The following ME3 variants were observed in gnomAD, a reference collection of about 807,000 sequenced individuals.
ME3 encodes NADP-dependent malic enzyme, mitochondrial.
Under a neutral mutation model 68.9 loss-of-function variants are expected in ME3, and 48 were observed. The ratio of observed to expected loss-of-function variants is 0.70; its 90% CI spans 0.55 to 0.89. The LOEUF (loss-of-function observed/expected upper bound fraction) is 0.89, where lower values mean the gene tolerates loss of function less well. Among genes scored for constraint, ME3 ranks in the 40% least tolerant of loss-of-function variants. The probability of loss-of-function intolerance (pLI) is 0.00; values close to 1 mark genes in which losing one functional copy is unlikely to be tolerated. For synonymous variants in ME3, 320 were observed against 318.8 expected (o/e 1.00, Z -0.04); for missense variants, 675 against 797.4 (o/e 0.85, Z 1.85).
intron 8 of ME3, among the ~76,000 whole-genome samples, chr11:86,462,053 T>C (rs1950248604): frequency 6.6e-6 from 1 of 152,190 alleles, no homozygotes; most frequent in African/African-American, 2.4e-5. Flanking sequence ...ATTGATTTAA[T>C]TAAAAACAAA....
intron 7 of ME3, among the ~76,000 whole-genome samples, chr11:86,481,525 A>G (rs982911028): frequency 6.6e-6 from 1 of 152,224 alleles, no homozygotes; most frequent in Non-Finnish European, 1.5e-5. Flanking sequence ...TTTAGGAACC[A>G]TAGGTCAGTA....
At chr11:86,617,040 T>C (rs1338847380) in intron 2 of ME3, among the ~76,000 whole-genome samples, 2 of 126,462 alleles carry the variant, frequency 1.6e-5, no homozygotes, top group South Asian at 5.6e-4. Flanking sequence ...TACTCCAAGA[T>C]AGTAGTTTTT....
chr11:86,634,991 T>C (rs751333508), intron 2 of ME3, among the ~76,000 whole-genome samples: 1 of 152,214 alleles, frequency 6.6e-6, no homozygotes, highest in Non-Finnish European at 1.5e-5. Context: ...CCGTTCTGGA[T>C]GTTACCAGGC....
intron 4 of ME3, among the ~76,000 whole-genome samples, chr11:86,525,493 T>C (rs137857421): frequency 7.6e-4 from 114 of 150,696 alleles, no homozygotes; most frequent in African/African-American, 2.6e-3. Context: ...ATCAAAAGGC[T>C]AACGTGGCTG....
At chr11:86,572,291 A>G in intron 2 of ME3, among the ~76,000 whole-genome samples, 1 of 151,544 alleles carries the variant, frequency 6.6e-6, no homozygotes, top group Non-Finnish European at 1.5e-5. Flanking sequence ...TTTTTTTTAA[A>G]CCTCTGGGAT....
At chr11:86,568,112 A>G (rs186284855) in intron 2 of ME3, among the ~76,000 whole-genome samples, 2 of 152,358 alleles carry the variant, frequency 1.3e-5, no homozygotes, top group African/African-American at 2.4e-5. Context: ...AACTCTCAAT[A>G]TAAGACAGGC....
chr11:86,475,310 T>A (rs1297376651), intron 7 of ME3, among the ~76,000 whole-genome samples: 2 of 152,180 alleles, frequency 1.3e-5, no homozygotes, highest in Non-Finnish European at 2.9e-5. Context: ...TGTTCCTGTT[T>A]TCACCATGTG....
At chr11:86,561,621 A>T (rs1355284794) in intron 2 of ME3, among the ~76,000 whole-genome samples, 1 of 152,218 alleles carries the variant, frequency 6.6e-6, no homozygotes, top group Non-Finnish European at 1.5e-5. Flanking sequence ...AACAATAAAA[A>T]GCTTGGCTTT....
At chr11:86,543,216 A>C (rs925264051) in intron 4 of ME3, among the ~76,000 whole-genome samples, 2 of 152,224 alleles carry the variant, frequency 1.3e-5, no homozygotes, top group African/African-American at 4.8e-5. Context: ...AAATGTAGAG[A>C]CCATTGACAC....
rs1942550926 is a variant in ME3 at position 86,611,264 on chromosome 11, G to A, written c.184-51441C>T. On this transcript the variant is annotated intron_variant, in intron 2 of 14. Transcript: ENST00000543262. ...GGTGTGGGGAAATGGGGAGATGTTG[G>A]TCAAAGGGTATAAATTTTTAATTAT... is the stretch of plus-strand genomic sequence containing the variant. 3.3e-5 allele frequency among the ~76,000 whole-genome samples: 5 copies of A among 152,124 alleles called. No individual in the cohort carries two copies. The South Asian group carries it at 1.0e-3, about 32-fold the overall frequency.
intron 12 of ME3, 137 bp downstream of exon 12, chr11:86,446,928 T>A: frequency 1.6e-6 from 2 of 1,216,108 alleles, no homozygotes; most frequent in South Asian, 1.6e-5. Flanking sequence ...CTCTTTGACC[T>A]TGGGCATGTT....
intron 5 of ME3, among the ~76,000 whole-genome samples, chr11:86,505,315 G>A (rs1461222617): frequency 6.6e-6 from 1 of 152,020 alleles, no homozygotes; most frequent in East Asian, 1.9e-4. Context: ...AGGGGTCTGG[G>A]GTAAGCCAGA....
Position 86,540,033 on chromosome 11 carries a change from C to T in ME3, c.467+16520G>A, listed in dbSNP as rs368984704. Among the ~76,000 whole-genome samples, 3 of 152,274 alleles carry T rather than the reference C, an allele frequency of 2.0e-5. No homozygotes were observed. In the East Asian group the frequency reaches 5.8e-4, roughly 29 times the overall value. On this transcript the variant is annotated intron_variant, in intron 4 of 14. Coordinates refer to ENST00000543262, the Ensembl canonical transcript of ME3. ...TAACTTAAGCATACCCTAAATGACT[C>T]AGTATGGCAGATGCACCTGAATGTC...
chr11:86,512,167 A>G (rs1462432068), intron 4 of ME3, among the ~76,000 whole-genome samples: 1 of 152,204 alleles, frequency 6.6e-6, no homozygotes, highest in African/African-American at 2.4e-5. Flanking sequence ...AGAAGAACCC[A>G]TTGGGCAATT....
chr11:86,534,081 G>GTATATATATATATATATATATATA (rs57566563), intron 4 of ME3, among the ~76,000 whole-genome samples: 11 of 127,510 alleles, frequency 8.6e-5, no homozygotes, highest in African/African-American at 3.2e-4. Context: ...GTGTGTGTGT[G>GTATATATATATATATATATATATA]TATATATATA....
At chr11:86,437,880 T>TGAATGG (rs1322858847), downstream of ME3, among the ~76,000 whole-genome samples, 1 of 63,900 alleles carries the variant, frequency 1.6e-5, no homozygotes, top group Admixed American at 1.4e-4. Flanking sequence ...TGAATGAATG[T>TGAATGG]GTATGTGTTC....
intron 8 of ME3, among the ~76,000 whole-genome samples, chr11:86,461,069 C>T (rs1161422586): frequency 2.0e-5 from 3 of 152,146 alleles, no homozygotes; most frequent in African/African-American, 7.2e-5. Flanking sequence ...GCAGTGACAC[C>T]CACACTGTTT....
chr11:86,437,858 A>AGAATGAATGAATGAAT (rs142909162), downstream of ME3, among the ~76,000 whole-genome samples: 4,095 of 150,900 alleles, frequency 0.027, 71 homozygotes, highest in Middle Eastern at 0.076. Flanking sequence ...GAGGAGAGAG[A>AGAATGAATGAATGAAT]GAATGAATGA....
chr11:86,562,976 C>T (rs1167706304), intron 2 of ME3, among the ~76,000 whole-genome samples: 2 of 152,044 alleles, frequency 1.3e-5, no homozygotes, highest in African/African-American at 2.4e-5. Flanking sequence ...CAATTGCATT[C>T]GTGTTGCTGC....
Sources: gnomAD v4.1 joint callset for allele counts (sites outside exome capture counted in the v4.1 genomes callset) on GRCh38, gnomAD v4.1.1 for gene constraint, MANE v1.5 for transcripts, NCBI Gene and HGNC (gene_info 2026-07-23, HGNC 2026-07-21) for gene names.